VAV1: variants seen among roughly 807,000 people sequenced by gnomAD.
The protein encoded by VAV1 is vav guanine nucleotide exchange factor 1.
A neutral mutation model predicts 128.1 loss-of-function variants in VAV1; 33 were observed. The ratio of observed to expected loss-of-function variants is 0.26; its 90% CI spans 0.20 to 0.34. The LOEUF (loss-of-function observed/expected upper bound fraction) is 0.34, where lower values mean the gene tolerates loss of function less well. VAV1 is among the 10% of genes least tolerant of loss of function. The pLI, the probability that VAV1 is intolerant of heterozygous loss-of-function variation, is 1.00. For synonymous variants in VAV1, 394 were observed against 409.8 expected (o/e 0.96, Z 0.47); for missense variants, 715 against 1,093.7 (o/e 0.65, Z 4.88).
intron 1 of VAV1, among the ~76,000 whole-genome samples, chr19:6,774,427 CTTTTTTTTTTTT>C (rs1002823385): frequency 2.2e-5 from 2 of 91,584 alleles, no homozygotes; most frequent in African/African-American, 1.1e-4. Flanking sequence ...CGCGCCCAGC[CTTTTTTTTTTTT>C]TTTTTTTTTT....
chr19:6,773,548 T>G (rs1198370182), intron 1 of VAV1, among the ~76,000 whole-genome samples: 2 of 151,842 alleles, frequency 1.3e-5, no homozygotes, highest in African/African-American at 2.4e-5. Context: ...ATGGGGCAGG[T>G]GGGGGGCTGC....
chr19:6,814,439 A>AT (rs202196036), intron 1 of VAV1, among the ~76,000 whole-genome samples: 1,610 of 149,874 alleles, frequency 0.011, 17 homozygotes, highest in Non-Finnish European at 0.016. Context: ...GGATTTCACA[A>AT]TTTTTTTTTT....
intron 1 of VAV1, among the ~76,000 whole-genome samples, chr19:6,779,430 C>T (rs1052398394): frequency 6.6e-6 from 1 of 151,192 alleles, no homozygotes; most frequent in Non-Finnish European, 1.5e-5. Flanking sequence ...GCTTGCTTTC[C>T]TCACTAATCA....
Position 6,772,777 on chromosome 19 carries a change from G to T in VAV1, c.-31G>T. The T allele has an allele frequency of 6.2e-7, 1 of 1,604,226 alleles. No homozygotes were observed. Among genetic ancestry groups the T allele is most frequent in the Non-Finnish European group, 8.5e-7 (1 of 1,175,860 alleles). On this transcript the variant is annotated 5_prime_UTR_variant, in exon 1 of 27. Coordinates refer to ENST00000602142, the MANE Select transcript of VAV1 (RefSeq NM_005428.4). This position sits in a 1 kb window ranked among gnomAD's most constrained non-coding sequence, Gnocchi z 4.8. ...CGGGTGGGTGGTGGAGGCTGCGAGG[G>T]TGCACGGCCGGCCCTGGGCAGGCGG...
chr19:6,794,263 A>C (rs1971078991), intron 1 of VAV1, among the ~76,000 whole-genome samples: 1 of 152,156 alleles, frequency 6.6e-6, no homozygotes, highest in African/African-American at 2.4e-5. Context: ...CAAAGAAGAG[A>C]GAGGGAAAAG....
intron 1 of VAV1, among the ~76,000 whole-genome samples, chr19:6,780,823 C>T (rs1012326006): frequency 2.0e-5 from 3 of 150,638 alleles, no homozygotes; most frequent in Non-Finnish European, 4.5e-5. Context: ...ATCTGCCCGC[C>T]TCAGCCTCCC....
At chr19:6,792,864 C>A (rs1217229117) in intron 1 of VAV1, among the ~76,000 whole-genome samples, 1 of 152,026 alleles carries the variant, frequency 6.6e-6, no homozygotes, top group African/African-American at 2.4e-5. Flanking sequence ...TGGATAGAGG[C>A]CAGAGATGCT....
At chr19:6,816,034 T>TC (rs1481119757) in intron 1 of VAV1, among the ~76,000 whole-genome samples, 3 of 151,116 alleles carry the variant, frequency 2.0e-5, no homozygotes, top group Non-Finnish European at 4.4e-5. Context: ...TTTTTTTTTT[T>TC]TTTGAGACGG....
chr19:6,855,802 CA>C (rs1972781803), intron 26 of VAV1, among the ~76,000 whole-genome samples: 1 of 149,490 alleles, frequency 6.7e-6, no homozygotes, highest in Non-Finnish European at 1.5e-5. Context: ...TCCACCCATT[CA>C]TCTATCTATC....
chr19:6,845,034 A>C (rs1972483900), intron 22 of VAV1, among the ~76,000 whole-genome samples: 3 of 152,148 alleles, frequency 2.0e-5, no homozygotes, highest in South Asian at 4.1e-4. Context: ...CATTCATTAA[A>C]AAAAGATGTT....
At chr19:6,830,692 G>A (rs1381262699) in intron 14 of VAV1, among the ~76,000 whole-genome samples, 1 of 152,018 alleles carries the variant, frequency 6.6e-6, no homozygotes, top group Non-Finnish European at 1.5e-5. Context: ...TGCCCATCTT[G>A]GCCTCCCAAA....
chr19:6,852,523 C>G (rs575504856), intron 24 of VAV1, among the ~76,000 whole-genome samples: 10 of 152,080 alleles, frequency 6.6e-5, no homozygotes, highest in Non-Finnish European at 1.0e-4. Flanking sequence ...AGATCGAGAC[C>G]ATCCTGGCTA....
At chr19:6,783,695 T>C (rs1405544039) in intron 1 of VAV1, among the ~76,000 whole-genome samples, 1 of 152,018 alleles carries the variant, frequency 6.6e-6, no homozygotes, top group Non-Finnish European at 1.5e-5. Context: ...CTCGAACTCC[T>C]GACCTCGGGT....
At chr19:6,834,911 G>A (rs906554180) in intron 19 of VAV1, among the ~76,000 whole-genome samples, 3 of 151,356 alleles carry the variant, frequency 2.0e-5, no homozygotes, top group Non-Finnish European at 2.9e-5. Flanking sequence ...GCAACAGAAC[G>A]AGACCCTGTG....
chr19:6,846,368 C>T (rs28692828), intron 22 of VAV1, among the ~76,000 whole-genome samples: 2,751 of 151,136 alleles, frequency 0.018, 80 homozygotes, highest in African/African-American at 0.063. Flanking sequence ...GGGTGGATCA[C>T]TTGAGGTCAG....
chr19:6,855,373 GATTC>G (rs1972765229), intron 26 of VAV1, among the ~76,000 whole-genome samples: 3 of 152,052 alleles, frequency 2.0e-5, no homozygotes, highest in Non-Finnish European at 4.4e-5. Flanking sequence ...GGATGTAAAG[GATTC>G]ATCCATCCAT....
chr19:6,827,104 G>C (rs1971936861), intron 9 of VAV1: 5 of 231,014 alleles, frequency 2.2e-5, no homozygotes, highest in Admixed American at 1.4e-4. Context: ...CTTCAACCTG[G>C]ATCTGTCTGG....
chr19:6,805,789 G>A (rs956389632), intron 1 of VAV1, among the ~76,000 whole-genome samples: 1 of 151,292 alleles, frequency 6.6e-6, no homozygotes, highest in Non-Finnish European at 1.5e-5. Context: ...ATTATATATA[G>A]TAATATTTAT....
intron 19 of VAV1, among the ~76,000 whole-genome samples, chr19:6,834,910 C>T (rs1045148176): frequency 3.3e-5 from 5 of 151,098 alleles, no homozygotes; most frequent in Non-Finnish European, 5.9e-5. Context: ...GGCAACAGAA[C>T]GAGACCCTGT....
Sources: gnomAD v4.1 joint callset for allele counts (sites outside exome capture counted in the v4.1 genomes callset) on GRCh38, gnomAD v4.1.1 for gene constraint, Gnocchi (gnomAD v3.1) non-coding constraint, MANE v1.5 for transcripts, NCBI Gene and HGNC (gene_info 2026-07-23, HGNC 2026-07-21) for gene names.